The following SAFB2 variants were observed in gnomAD, a reference collection of about 807,000 sequenced individuals.
SAFB2 encodes scaffold attachment factor B2.
A neutral mutation model predicts 100.6 loss-of-function variants in SAFB2; 32 were observed. The observed-to-expected ratio is 0.32, with a 90% CI of 0.24 to 0.43. The LOEUF (loss-of-function observed/expected upper bound fraction) is 0.43, where lower values mean the gene tolerates loss of function less well. Ranked by LOEUF, SAFB2 falls within the 20% of genes least tolerant of loss-of-function variation. SAFB2 has a pLI of 1.00. For synonymous variants in SAFB2, 500 were observed against 439.4 expected, an observed-to-expected ratio of 1.14 and a Z score of -1.72; for missense variants, 1,185 against 1,163.4, an observed-to-expected ratio of 1.02 and a Z score of -0.27.
At chr19:5,600,707 GC>G (rs938846718) in intron 11 of SAFB2, among the ~76,000 whole-genome samples, 1 of 152,190 alleles carries the variant, frequency 6.6e-6, no homozygotes, top group Non-Finnish European at 1.5e-5. Context: ...AGGACACCAA[GC>G]CCCCACTGCA....
rs1199975803 is a variant in SAFB2 at position 5,591,272 on chromosome 19, C to CTTTTTTTTTTTTTTTTTT, written c.2394+458_2394+475dup. On this transcript the variant is annotated intron_variant, in intron 17 of 20. Transcript: ENST00000252542. ...ATTACAAAACAATCAAATATTTGCGCTTTTTTTTTTTTTTTTTTTTTTTGA... is the reference window on the plus strand; with the variant it reads ...ATTACAAAACAATCAAATATTTGCGCTTTTTTTTTTTTTTTTTTTTTTTTTTTTTTTTTTTTTTTTTGA... 2 of 118,302 alleles carry CTTTTTTTTTTTTTTTTTT rather than the reference C, an allele frequency of 1.7e-5. 1 individual carries two copies. Among genetic ancestry groups the CTTTTTTTTTTTTTTTTTT allele is most frequent in the Non-Finnish European group, 3.4e-5 (2 of 58,856 alleles). The allele number at this position is 118,302 out of a possible 1,614,324, so 7.3% of individuals were successfully genotyped here. A position where few individuals can be genotyped will look rare whatever the true frequency, so the allele number is the denominator to read the frequency against.
intron 11 of SAFB2, among the ~76,000 whole-genome samples, chr19:5,602,364 C>T (rs1327468005): frequency 6.6e-6 from 1 of 150,464 alleles, no homozygotes; most frequent in Non-Finnish European, 1.5e-5. Flanking sequence ...CCTATAGTCC[C>T]AGCTACTCGG....
intron 11 of SAFB2, among the ~76,000 whole-genome samples, chr19:5,603,269 G>GT (rs986513145): frequency 2.0e-5 from 3 of 152,180 alleles, no homozygotes; most frequent in African/African-American, 7.2e-5. Context: ...AAAGTAAAAT[G>GT]TTTTTTAAAA....
rs147227527 is a variant in SAFB2 at position 5,604,293 on chromosome 19, T to G, written c.1559+290A>C. Among the ~76,000 whole-genome samples, 36 of 152,308 alleles carry G rather than the reference T, an allele frequency of 2.4e-4. 1 individual carries two copies. Among genetic ancestry groups the G allele is most frequent in the African/African-American group, 7.7e-4 (32 of 41,564 alleles). ...GGTGTACGCCTGCAGTAGTCCCAGT[T>G]ACTTGGGAGGCTGAAGTAGGAGAAT... On this transcript the variant is annotated intron_variant, in intron 11 of 20. Coordinates refer to ENST00000252542, the MANE Select transcript of SAFB2 (RefSeq NM_014649.3).
intron 5 of SAFB2, 102 bp from the exon 6 acceptor site, chr19:5,612,669 G>A: frequency 1.1e-6 from 1 of 892,418 alleles, no homozygotes; most frequent in Non-Finnish European, 1.8e-6. Flanking sequence ...ATAAATGCCT[G>A]TTTCCACAAA....
At chr19:5,603,738 T>G (rs777849166) in intron 11 of SAFB2, among the ~76,000 whole-genome samples, 2 of 151,656 alleles carry the variant, frequency 1.3e-5, no homozygotes, top group Non-Finnish European at 2.9e-5. Flanking sequence ...CAGGGTGCCT[T>G]GGAATATTTT....
At chr19:5,609,970 T>A (rs566004286) in intron 9 of SAFB2, 25 bp downstream of exon 9, 1 of 1,587,260 alleles carries the variant, frequency 6.3e-7, no homozygotes, top group East Asian at 2.2e-5. Context: ...TCACAGTGGA[T>A]GGTATGAGGC....
chr19:5,600,059 T>C, intron 12 of SAFB2, 71 bp downstream of exon 12: 2 of 1,515,028 alleles, frequency 1.3e-6, no homozygotes, highest in Non-Finnish European at 1.8e-6. Flanking sequence ...GTCCTCACCT[T>C]CCCTCGGAAC....
At chr19:5,611,091 G>GTC in intron 7 of SAFB2, 29 bp downstream of exon 7, 1 of 329,428 alleles carries the variant, frequency 3.0e-6, no homozygotes, top group Non-Finnish European at 5.5e-6. Context: ...AGGAGATAGC[G>GTC]TCTGGTCTAA....
intron 2 of SAFB2, among the ~76,000 whole-genome samples, chr19:5,617,952 G>A (rs1240072730): frequency 3.3e-5 from 5 of 152,000 alleles, no homozygotes; most frequent in Admixed American, 2.0e-4. Flanking sequence ...AGACAAGTTC[G>A]GGCAACAAAG....
At chr19:5,600,295 C>T (rs1392633094) in intron 11 of SAFB2, 35 bp from the exon 12 acceptor site, 1 of 1,607,202 alleles carries the variant, frequency 6.2e-7, no homozygotes, top group Admixed American at 1.7e-5. Flanking sequence ...TTTGAGTTCA[C>T]AAGACTCTGT....
At chr19:5,609,927 C>T (rs368395536) in intron 9 of SAFB2, 68 bp downstream of exon 9, 62 of 1,361,158 alleles carry the variant, frequency 4.6e-5, no homozygotes, top group African/African-American at 1.6e-4. Context: ...CGTGAACCAC[C>T]GTGCCCAGCA....
chr19:5,606,877 C>A (rs993520263), intron 9 of SAFB2, among the ~76,000 whole-genome samples: 10 of 152,166 alleles, frequency 6.6e-5, no homozygotes, highest in African/African-American at 2.4e-4. Flanking sequence ...AGATGATCTC[C>A]GATGGGAACT....
chr19:5,612,595 C>A (rs1299920241), intron 5 of SAFB2, 28 bp from the exon 6 acceptor site: 22 of 1,603,046 alleles, frequency 1.4e-5, no homozygotes, highest in Non-Finnish European at 1.6e-5. Context: ...AGCAAATCCA[C>A]AAGTCACTTT....
chr19:5,617,108 G>A (rs1356223743), intron 2 of SAFB2, among the ~76,000 whole-genome samples: 2 of 151,550 alleles, frequency 1.3e-5, no homozygotes, highest in Non-Finnish European at 2.9e-5. Context: ...AATGAGCAAA[G>A]GATAAAAACA....
intron 11 of SAFB2, among the ~76,000 whole-genome samples, chr19:5,604,144 C>T (rs530427028): frequency 5.8e-4 from 88 of 152,334 alleles, no homozygotes; most frequent in African/African-American, 2.0e-3. Context: ...GGCGTGGTGG[C>T]TCACACCTGT....
At chr19:5,594,853 T>G (rs974262369) in intron 14 of SAFB2, among the ~76,000 whole-genome samples, 1 of 152,104 alleles carries the variant, frequency 6.6e-6, no homozygotes, top group African/African-American at 2.4e-5. Flanking sequence ...AGGGCTTTGA[T>G]GACTTCTTTT....
intron 8 of SAFB2, 185 bp from the exon 9 acceptor site, chr19:5,610,280 T>C: frequency 1.7e-6 from 1 of 604,500 alleles, no homozygotes; most frequent in East Asian, 2.8e-5. Flanking sequence ...AAAAACTGAG[T>C]TTCCTTACTC....
chr19:5,615,542 T>C (rs954764478), intron 4 of SAFB2, among the ~76,000 whole-genome samples: 29 of 143,660 alleles, frequency 2.0e-4, no homozygotes, highest in African/African-American at 7.1e-4. Context: ...ATCCCGCCTC[T>C]AAAAAAAAAA....
Sources: gnomAD v4.1 joint callset for allele counts (sites outside exome capture counted in the v4.1 genomes callset) on GRCh38, gnomAD v4.1.1 for gene constraint, MANE v1.5 for transcripts, NCBI Gene and HGNC (gene_info 2026-07-23, HGNC 2026-07-21) for gene names.